The following UTRN variants were observed in gnomAD, a reference collection of about 807,000 sequenced individuals.
UTRN encodes utrophin, also known as dystrophin-related protein 1.
In UTRN, 283 loss-of-function variants were observed where a neutral mutation model predicts 463.9. The observed-to-expected ratio is 0.61, with a 90% CI of 0.55 to 0.67. The LOEUF (loss-of-function observed/expected upper bound fraction) is 0.67. Ranked by LOEUF, UTRN falls within the 30% of genes least tolerant of loss-of-function variation. UTRN has a pLI of 0.00. For synonymous variants in UTRN, 1,442 were observed against 1,431.5 expected (o/e 1.01, Z -0.17); for missense variants, 3,922 against 4,084.3 (o/e 0.96, Z 1.08).
At chr6:144,324,520 G>A (rs1481776129) in intron 2 of UTRN, among the ~76,000 whole-genome samples, 1 of 152,182 alleles carries the variant, frequency 6.6e-6, no homozygotes, top group African/African-American at 2.4e-5. Context: ...AAAAGTCTGG[G>A]TTTGGCCATA....
At chr6:144,689,409 T>G (rs532524199) in intron 52 of UTRN, among the ~76,000 whole-genome samples, 24 of 152,316 alleles carry the variant, frequency 1.6e-4, no homozygotes, top group African/African-American at 5.1e-4. Flanking sequence ...TGAAAGAAAC[T>G]TCCCACAGGT....
intron 57 of UTRN, among the ~76,000 whole-genome samples, chr6:144,756,215 C>A (rs1238746186): frequency 6.6e-6 from 1 of 152,074 alleles, no homozygotes; most frequent in Admixed American, 6.6e-5. Context: ...AAGCTATGTA[C>A]CAAGACCAAA....
chr6:144,733,240 C>T (rs1384810801), intron 54 of UTRN, among the ~76,000 whole-genome samples: 2 of 152,124 alleles, frequency 1.3e-5, no homozygotes, highest in Non-Finnish European at 2.9e-5. Context: ...TGCTTTTGGC[C>T]GGACGCGGTG....
intron 58 of UTRN, among the ~76,000 whole-genome samples, 171 bp from the exon 59 acceptor site, chr6:144,771,736 T>C (rs1794045095): frequency 6.6e-6 from 1 of 152,024 alleles, no homozygotes; most frequent in Admixed American, 6.6e-5. Flanking sequence ...ATGTTTCAAA[T>C]GTTAAGTAAC....
At chr6:144,846,494 T>C (rs963237853) in intron 73 of UTRN, among the ~76,000 whole-genome samples, 6 of 152,156 alleles carry the variant, frequency 3.9e-5, no homozygotes, top group African/African-American at 1.4e-4. Context: ...ATAAACCAAA[T>C]ACACAGTATG....
At chr6:144,588,487 A>T (rs79634812) in intron 51 of UTRN, among the ~76,000 whole-genome samples, 1 of 152,202 alleles carries the variant, frequency 6.6e-6, no homozygotes, top group African/African-American at 2.4e-5. Flanking sequence ...CCAAGATATC[A>T]TTATCATTGG....
chr6:144,750,829 C>T (rs1371219205), intron 55 of UTRN, among the ~76,000 whole-genome samples: 2 of 152,114 alleles, frequency 1.3e-5, no homozygotes, highest in African/African-American at 4.8e-5. Context: ...TCCCAAGCAG[C>T]TTCCATTCTT....
At chr6:144,356,684 A>G (rs904732117) in intron 2 of UTRN, among the ~76,000 whole-genome samples, 1 of 152,124 alleles carries the variant, frequency 6.6e-6, no homozygotes, top group Non-Finnish European at 1.5e-5. Context: ...GTGGTGGCGA[A>G]TGCCTGTAAT....
Position 144,457,004 on chromosome 6 carries a change from A to G in UTRN, c.2285-1766A>G, listed in dbSNP as rs116615656. Among the ~76,000 whole-genome samples, 1,495 of 152,302 alleles carry G rather than the reference A, an allele frequency of 9.8e-3. 23 individuals carry two copies. The highest frequency in any genetic ancestry group is 0.035 in the African/African-American group (1,442 of 41,566). On this transcript the variant is annotated intron_variant, in intron 19 of 74. Transcript: ENST00000367545. ...ATGTTCTCCCTTTTAGACAATTAAT[A>G]AAGTGATCTTCTGTTGATTTTGCCT...
chr6:144,678,940 G>C (rs1307247469), intron 52 of UTRN, among the ~76,000 whole-genome samples: 1 of 152,070 alleles, frequency 6.6e-6, no homozygotes, highest in African/African-American at 2.4e-5. Flanking sequence ...CTAGTAAGGT[G>C]GGTGGTAACA....
intron 61 of UTRN, among the ~76,000 whole-genome samples, chr6:144,783,988 GCT>G (rs1776084805): frequency 6.6e-6 from 1 of 152,072 alleles, no homozygotes; most frequent in Non-Finnish European, 1.5e-5. Context: ...CCATTAAGTT[GCT>G]CTTCAATAAT....
At chr6:144,449,484 G>A (rs79916231) in intron 17 of UTRN, among the ~76,000 whole-genome samples, 5,586 of 152,214 alleles carry the variant, frequency 0.037, 141 homozygotes, top group Middle Eastern at 0.058. Flanking sequence ...CATATTGAGA[G>A]CAGATGCTGA....
intron 48 of UTRN, among the ~76,000 whole-genome samples, chr6:144,552,624 C>CTG (rs1799027167): frequency 6.6e-6 from 1 of 152,064 alleles, no homozygotes; most frequent in Non-Finnish European, 1.5e-5. Context: ...ATAAATATTT[C>CTG]TGTGTGTGTA....
intron 65 of UTRN, among the ~76,000 whole-genome samples, chr6:144,806,471 C>G: frequency 6.6e-6 from 1 of 152,150 alleles, no homozygotes; most frequent in Non-Finnish European, 1.5e-5. Flanking sequence ...TTTGACCCTA[C>G]AACTTTTTGT....
chr6:144,781,801 A>G, intron 60 of UTRN, 121 bp from the exon 61 acceptor site: 1 of 669,320 alleles, frequency 1.5e-6, no homozygotes, highest in Non-Finnish European at 2.4e-6. Flanking sequence ...TAAAAAGGAT[A>G]GATTCTTAAA....
At chr6:144,630,518 G>C (rs1776397103) in intron 51 of UTRN, among the ~76,000 whole-genome samples, 1 of 152,150 alleles carries the variant, frequency 6.6e-6, no homozygotes. Flanking sequence ...AAAACCATCA[G>C]ATCTCGTGAG....
intron 2 of UTRN, among the ~76,000 whole-genome samples, chr6:144,298,896 T>A (rs985604278): frequency 3.3e-5 from 5 of 152,216 alleles, no homozygotes; most frequent in Non-Finnish European, 7.3e-5. Flanking sequence ...TCTCTTTAGA[T>A]CTTTTTCTTT....
intron 51 of UTRN, among the ~76,000 whole-genome samples, chr6:144,677,379 T>C (rs1781736753): frequency 1.3e-5 from 2 of 152,186 alleles, no homozygotes; most frequent in African/African-American, 4.8e-5. Flanking sequence ...TGGTTTTCTG[T>C]TCCTGTGTTA....
intron 2 of UTRN, among the ~76,000 whole-genome samples, chr6:144,393,558 A>C (rs908742490): frequency 6.6e-6 from 1 of 152,238 alleles, no homozygotes; most frequent in Non-Finnish European, 1.5e-5. Context: ...CACATGGTGC[A>C]GGGAGCCCAG....
Sources: gnomAD v4.1 joint callset for allele counts (sites outside exome capture counted in the v4.1 genomes callset) on GRCh38, gnomAD v4.1.1 for gene constraint, MANE v1.5 for transcripts, NCBI Gene and HGNC (gene_info 2026-07-23, HGNC 2026-07-21) for gene names.